MANBA: variants seen among roughly 807,000 people sequenced by gnomAD.
The protein encoded by MANBA is beta-mannosidase.
MANBA carries 83 observed loss-of-function variants against 111.1 expected under a neutral mutation model. The observed-to-expected ratio is 0.75, with a 90% CI of 0.63 to 0.90. MANBA has a LOEUF of 0.90. Among genes scored for constraint, MANBA ranks in the 40% least tolerant of loss-of-function variants. The pLI is 0.00. For synonymous variants in MANBA, 370 were observed against 378.7 expected, an observed-to-expected ratio of 0.98 and a Z score of 0.27; for missense variants, 1,036 against 1,069.0, an observed-to-expected ratio of 0.97 and a Z score of 0.43.
chr4:102,747,617 A>C (rs957091888), intron 1 of MANBA, among the ~76,000 whole-genome samples: 1 of 152,216 alleles, frequency 6.6e-6, no homozygotes, highest in Non-Finnish European at 1.5e-5. Context: ...TCCTCTGTCA[A>C]ATAGGATCTT....
At chr4:102,743,163 T>G (rs1325356411) in intron 1 of MANBA, among the ~76,000 whole-genome samples, 1 of 152,236 alleles carries the variant, frequency 6.6e-6, no homozygotes, top group Non-Finnish European at 1.5e-5. Context: ...ACAAATATCT[T>G]CATAGTTTTT....
chr4:102,729,667 G>A (rs1722955013), intron 1 of MANBA: 3 of 1,510,674 alleles, frequency 2.0e-6, no homozygotes, highest in Non-Finnish European at 2.8e-6. Flanking sequence ...ACCAGCCCGG[G>A]CATGTTGCCA....
At chr4:102,658,534 G>T (rs228616) in intron 11 of MANBA, among the ~76,000 whole-genome samples, 1 of 152,004 alleles carries the variant, frequency 6.6e-6, no homozygotes, top group Non-Finnish European at 1.5e-5. Context: ...TTATCTGTAA[G>T]ATGAGGATAA....
At chr4:102,703,525 C>T (rs1290117883) in intron 5 of MANBA, among the ~76,000 whole-genome samples, 2 of 152,198 alleles carry the variant, frequency 1.3e-5, no homozygotes, top group Non-Finnish European at 2.9e-5. Context: ...GTCATGCAAC[C>T]TCTGGCTCCA....
At chr4:102,719,692 C>T (rs1722488628) in intron 4 of MANBA, among the ~76,000 whole-genome samples, 1 of 152,210 alleles carries the variant, frequency 6.6e-6, no homozygotes. Context: ...AGTGCATTTA[C>T]ATTGTTATTT....
At chr4:102,732,474 A>T (rs1261603150) in intron 1 of MANBA, among the ~76,000 whole-genome samples, 1 of 152,244 alleles carries the variant, frequency 6.6e-6, no homozygotes, top group Non-Finnish European at 1.5e-5. Context: ...GGCAATGGCC[A>T]GTTAGGCAGT....
chr4:102,721,307 G>C (rs1428007312), intron 4 of MANBA, among the ~76,000 whole-genome samples: 1 of 151,034 alleles, frequency 6.6e-6, no homozygotes, highest in Non-Finnish European at 1.5e-5. Flanking sequence ...TTGAGCAACA[G>C]AGCAAGACTC....
Position 102,690,637 on chromosome 4 carries a change from G to T in MANBA, c.808C>A (p.Pro270Thr). The T allele has an allele frequency of 6.2e-7, 1 of 1,612,596 alleles. No individual in the cohort carries two copies. Among genetic ancestry groups the T allele is most frequent in the Non-Finnish European group, 8.5e-7 (1 of 1,179,044 alleles). Residue 270 changes from proline (P) to threonine (T), a missense_variant, in exon 6 of 17, where the codon CCT (proline) becomes ACT (threonine). Coordinates refer to ENST00000647097, the MANE Select transcript of MANBA (RefSeq NM_005908.4). Reference sequence around the variant, plus strand: ...AATAGCTCAACAATCCTTTTCCCAGGTTGAAGTTCAATGCTGTATGTCTGT... The same window carrying T: ...AATAGCTCAACAATCCTTTTCCCAGTTTGAAGTTCAATGCTGTATGTCTGT... ...TQQTYSIELQ[P>T]GKRIVELFVN...
intron 11 of MANBA, among the ~76,000 whole-genome samples, chr4:102,663,815 C>T (rs543528363): frequency 3.3e-5 from 5 of 152,136 alleles, no homozygotes; most frequent in African/African-American, 1.2e-4. Context: ...CTTTTGAAGG[C>T]ATTACTGAAA....
intron 3 of MANBA, 70 bp downstream of exon 3, chr4:102,723,792 C>G: frequency 2.4e-6 from 2 of 839,764 alleles, no homozygotes; most frequent in Non-Finnish European, 3.9e-6. Flanking sequence ...ATTTACTTTT[C>G]TCTACTCACA....
intron 1 of MANBA, among the ~76,000 whole-genome samples, chr4:102,746,055 T>C (rs999615025): frequency 2.6e-5 from 4 of 152,166 alleles, no homozygotes; most frequent in African/African-American, 9.7e-5. Context: ...AGCGCATGGT[T>C]TATCTCCTCA....
chr4:102,758,419 C>G (rs1046383068), intron 1 of MANBA, among the ~76,000 whole-genome samples: 4 of 152,120 alleles, frequency 2.6e-5, no homozygotes, highest in Non-Finnish European at 5.9e-5. Flanking sequence ...CCAGTGTCTA[C>G]TATAAACGGT....
intron 13 of MANBA, among the ~76,000 whole-genome samples, chr4:102,640,898 G>A (rs1729851682): frequency 6.6e-6 from 1 of 152,096 alleles, no homozygotes. Flanking sequence ...AGAAATTGTG[G>A]TCAGTCAATA....
chr4:102,673,429 G>C (rs1731581288), intron 8 of MANBA, among the ~76,000 whole-genome samples: 1 of 151,476 alleles, frequency 6.6e-6, no homozygotes, highest in Non-Finnish European at 1.5e-5. Flanking sequence ...AATCGCTTGA[G>C]CCTGGGAGGC....
At chr4:102,740,462 A>C (rs1470455628) in intron 1 of MANBA, among the ~76,000 whole-genome samples, 4 of 152,216 alleles carry the variant, frequency 2.6e-5, no homozygotes, top group Admixed American at 6.5e-5. Context: ...ATTCATATAA[A>C]ACTCAAAAGG....
rs568294877 is a variant in MANBA at position 102,718,861 on chromosome 4, G to C, written c.549+4010C>G. Reference sequence around the variant, plus strand: ...ATGACGACCCCAAGCCACAAAACCAGCAAGTTTTTATTAGGGATTTTAACA... The same window carrying C: ...ATGACGACCCCAAGCCACAAAACCACCAAGTTTTTATTAGGGATTTTAACA... On this transcript the variant is annotated intron_variant, in intron 4 of 16. Coordinates refer to ENST00000647097, the MANE Select transcript of MANBA (RefSeq NM_005908.4). Among the ~76,000 whole-genome samples the C allele has an allele frequency of 6.2e-4, 95 of 152,278 alleles. 1 individual carries two copies. Among genetic ancestry groups the C allele is most frequent in the African/African-American group, 2.2e-3 (92 of 41,548 alleles).
intron 1 of MANBA, among the ~76,000 whole-genome samples, chr4:102,741,634 A>G (rs1479115098): frequency 6.6e-6 from 1 of 152,176 alleles, no homozygotes; most frequent in Non-Finnish European, 1.5e-5. Flanking sequence ...AAAATAAAGT[A>G]GAGTTGGAGA....
chr4:102,715,431 A>G (rs537302267), intron 4 of MANBA, among the ~76,000 whole-genome samples: 7 of 152,240 alleles, frequency 4.6e-5, no homozygotes, highest in Non-Finnish European at 8.8e-5. Context: ...AACAGAAGCT[A>G]TCATAATAAA....
intron 5 of MANBA, among the ~76,000 whole-genome samples, chr4:102,692,948 A>G (rs1238200684): frequency 6.6e-6 from 1 of 152,142 alleles, no homozygotes; most frequent in East Asian, 1.9e-4. Context: ...GGAGCACACC[A>G]GGCCTGTTCT....
Sources: allele counts gnomAD v4.1 joint callset (sites outside exome capture counted in the v4.1 genomes callset), GRCh38; gene constraint gnomAD v4.1.1; transcripts MANE v1.5; gene names NCBI Gene and HGNC (gene_info 2026-07-23, HGNC 2026-07-21).